The following HIP1R variants were observed in gnomAD, a reference collection of about 807,000 sequenced individuals.
The protein encoded by HIP1R is huntingtin interacting protein 1 related, also known as huntingtin-interacting protein 1-related protein.
Under a neutral mutation model 144.2 loss-of-function variants are expected in HIP1R, and 135 were observed. The ratio of observed to expected loss-of-function variants is 0.94; its 90% CI spans 0.81 to 1.08. HIP1R has a LOEUF of 1.08. Ranked by LOEUF, HIP1R falls within the 50% of genes least tolerant of loss-of-function variation. The probability of loss-of-function intolerance (pLI) is 0.00; values close to 1 mark genes in which losing one functional copy is unlikely to be tolerated. For missense variants in HIP1R, 1,462 were observed against 1,432.8 expected, an observed-to-expected ratio of 1.02 and a Z score of -0.33; for synonymous variants, 698 against 612.8, an observed-to-expected ratio of 1.14 and a Z score of -2.05.
chr12:122,841,590 G>A (rs565731704), intron 1 of HIP1R, among the ~76,000 whole-genome samples: 2 of 152,354 alleles, frequency 1.3e-5, no homozygotes, highest in East Asian at 3.9e-4. Flanking sequence ...TTTGGGGCGA[G>A]ATTGTTTTTT....
chr12:122,860,273 C>CT, intron 26 of HIP1R, 63 bp downstream of exon 26: 1 of 1,534,274 alleles, frequency 6.5e-7, no homozygotes, highest in Non-Finnish European at 8.8e-7. Flanking sequence ...CTAGGCCACC[C>CT]TGGGCATGAG....
chr12:122,858,740 TTCC>T (rs932763382), intron 20 of HIP1R, 95 bp from the exon 21 acceptor site: 41 of 880,502 alleles, frequency 4.7e-5, no homozygotes, highest in Non-Finnish European at 5.7e-5. Context: ...TCCTTTCCTC[TTCC>T]TCCTCCTCCT....
intron 1 of HIP1R, 147 bp downstream of exon 1, chr12:122,835,790 G>A: frequency 4.9e-6 from 2 of 407,822 alleles, no homozygotes; most frequent in Non-Finnish European, 6.6e-6. Flanking sequence ...GTGTCCGCCC[G>A]GGCTCTCCGA....
At chr12:122,835,420 G>T, upstream of HIP1R, 1 of 1,136,302 alleles carries the variant, frequency 8.8e-7, no homozygotes, top group Non-Finnish European at 1.1e-6. Flanking sequence ...GGCGGGGCGA[G>T]GCGGGCTCCT....
rs7306948 is a variant in HIP1R at position 122,860,800 on chromosome 12, G to A, written c.2766+16G>A. On this transcript the variant is annotated intron_variant, in intron 28 of 31. Coordinates refer to ENST00000253083, the MANE Select transcript of HIP1R (RefSeq NM_003959.3). Reference sequence around the variant, plus strand: ...GGCCTCCAAGGTGAGCTTGCACGCCGACAGCAGCACACTGGGCTCTGGGCC... The same window carrying A: ...GGCCTCCAAGGTGAGCTTGCACGCCAACAGCAGCACACTGGGCTCTGGGCC... 1,522,075 of 1,611,016 alleles carry A rather than the reference G, an allele frequency of 0.94. 719,781 individuals carry two copies. The highest frequency in any genetic ancestry group is 0.99 in the East Asian group (44,326 of 44,698).
chr12:122,859,582 G>A lies in HIP1R; in HGVS notation c.2406+46G>A. 6.6e-6 allele frequency: 10 copies of A among 1,508,502 alleles called. No individual in the cohort carries two copies. The Admixed American group carries it at 1.8e-4, about 28-fold the overall frequency. The allele number at this position is 1,508,502 out of a possible 1,614,324, so 93.4% of individuals were successfully genotyped here. On this transcript the variant is annotated intron_variant, in intron 23 of 31. Transcript: ENST00000253083. ...CTCCCCTCATTCCTGTGGAGCTTTG[G>A]GGGCCGGAGGCCCCAACTGGGCTGG...
At chr12:122,859,862 C>A (rs762182791) in intron 24 of HIP1R, 32 bp downstream of exon 24, 1 of 1,598,232 alleles carries the variant, frequency 6.3e-7, no homozygotes, top group East Asian at 2.2e-5. Context: ...CCAGGCCCAG[C>A]CGAGGTGGGC....
Position 122,842,284 on chromosome 12 carries a change from A to G in HIP1R, c.94-5747A>G, listed in dbSNP as rs369070640. 2.0e-4 allele frequency among the ~76,000 whole-genome samples: 30 copies of G among 152,378 alleles called. 1 individual carries two copies. In the South Asian group the frequency reaches 4.3e-3, roughly 22 times the overall value. On this transcript the variant is annotated intron_variant, in intron 1 of 31. Coordinates refer to ENST00000253083, the MANE Select transcript of HIP1R (RefSeq NM_003959.3). Reference sequence around the variant, plus strand: ...CTGTTAGGTGCCACGATAATACAGCACAGGGAGGCTTACGTCTGATTCATT... The same window carrying G: ...CTGTTAGGTGCCACGATAATACAGCGCAGGGAGGCTTACGTCTGATTCATT...
Position 122,846,585 on chromosome 12 carries a change from C to T in HIP1R, c.94-1446C>T, listed in dbSNP as rs2033217852. Among the ~76,000 whole-genome samples the T allele has an allele frequency of 2.6e-5, 4 of 152,294 alleles. No individual in the cohort carries two copies. In the South Asian group the frequency reaches 8.3e-4, roughly 32 times the overall value. The stretch of plus-strand genomic sequence containing the variant: ...TGGCTGGGCAGCCCTCAGGATCAGG[C>T]CCACCAGAGCCTCTGTGCATTTCCT... On this transcript the variant is annotated intron_variant, in intron 1 of 31. Transcript: ENST00000253083.
intron 7 of HIP1R, among the ~76,000 whole-genome samples, chr12:122,852,112 T>TG: frequency 6.6e-6 from 1 of 152,280 alleles, no homozygotes; most frequent in Middle Eastern, 3.4e-3. Context: ...AACTCATGGG[T>TG]GACTCAGTGC....
chr12:122,856,657 C>G lies in HIP1R; in HGVS notation c.1551C>G (p.Leu517=), dbSNP rs563063489. ...LEEKSDQLEK[L]KRELEAKAGE... ...AGAAGAGCGACCAGCTGGAGAAGCT[C>G]AAGAGGGAGCTGGAGGCCAAGGCCG... Residue 517 remains leucine, a synonymous_variant, in exon 17 of 32, where the codon CTC becomes CTG. Coordinates refer to ENST00000253083, the MANE Select transcript of HIP1R (RefSeq NM_003959.3). 5 of 1,604,438 alleles carry G rather than the reference C, an allele frequency of 3.1e-6. No individual in the cohort carries two copies. Among genetic ancestry groups the G allele is most frequent in the African/African-American group, 2.7e-5 (2 of 74,938 alleles).
At position 122,861,294 on chromosome 12, in the gene HIP1R, C is replaced by G; in HGVS notation, c.2953-14C>G. 1 of 1,613,596 alleles carries G rather than the reference C, an allele frequency of 6.2e-7. No individual in the cohort carries two copies. The highest frequency in any genetic ancestry group is 1.1e-5 in the South Asian group (1 of 91,082). On this transcript the variant is annotated splice_polypyrimidine_tract_variant and intron_variant, in intron 30 of 31. Coordinates refer to ENST00000253083, the MANE Select transcript of HIP1R (RefSeq NM_003959.3). ...GGGAGGCTGGGCTGGGCTGAGCAGG[C>G]CGTGTGGCTACAGGTGCGTGTCCTG...
chr12:122,849,501 G>A lies in HIP1R; in HGVS notation c.358-374G>A, dbSNP rs1313374691. Among the ~76,000 whole-genome samples the A allele has an allele frequency of 2.0e-5, 3 of 152,394 alleles. No individual in the cohort carries two copies. In the East Asian group the frequency reaches 5.8e-4, roughly 29 times the overall value. On this transcript the variant is annotated intron_variant, in intron 4 of 31. Coordinates refer to ENST00000253083, the MANE Select transcript of HIP1R (RefSeq NM_003959.3). ...GAAAACACTGCCCATGGTGCCACCT[G>A]CAGATGCAGGCCCAGCTGGCCCGGC...
chr12:122,855,873 C>A lies in HIP1R; in HGVS notation c.1098C>A (p.Leu366=). 6.4e-7 allele frequency: 1 copy of A among 1,565,436 alleles called. No individual in the cohort carries two copies. Among genetic ancestry groups the A allele is most frequent in the Non-Finnish European group, 8.7e-7 (1 of 1,154,642 alleles). The part of the protein sequence containing the change: ...IESLKREVEM[L]RSELEKIKLE... ...GCTTGAAGAGAGAGGTGGAAATGCT[C>A]CGCTCTGAACTGGAGAAGATCAAGC... is the stretch of plus-strand genomic sequence containing the variant. The change falls in exon 13 of 32, where the codon CTC becomes CTA. Residue 366 remains leucine, a synonymous_variant. Transcript: ENST00000253083.
In HIP1R at chr12:122,858,301, G is replaced by A. The variant is rs376741200; in HGVS notation, c.1964-48G>A. 7.6e-6 allele frequency: 12 copies of A among 1,587,498 alleles called. No homozygotes were observed. The African/African-American group carries it at 1.6e-4, about 21-fold the overall frequency. ...CTCCCCTGCCTCCTTCCCATCCCCA[G>A]CCCTGAGCAGCGGGTGGCAGGGGCC... On this transcript the variant is annotated intron_variant, in intron 19 of 31. Transcript: ENST00000253083.
At position 122,858,388 on chromosome 12, in the gene HIP1R, T is replaced by A. The variant is rs773821606; in HGVS notation, c.2003T>A (p.Val668Glu). 4 of 1,611,240 alleles carry A rather than the reference T, an allele frequency of 2.5e-6. No homozygotes were observed. The Admixed American group carries it at 6.7e-5, about 27-fold the overall frequency. ...VSRAQEALDA[V>E]STLEEGHAQY... ...AGGGCCCAGGAGGCCTTGGATGCCG[T>A]GAGCACCCTGGAGGAGGGCCACGCC... The change falls in exon 20 of 32, where the codon GTG (valine) becomes GAG (glutamate). Residue 668 changes from valine to glutamate, a missense_variant. By Grantham distance (121) the Val-to-Glu change is moderately radical (BLOSUM62 -2). Transcript: ENST00000253083.
In HIP1R at chr12:122,835,613, G is replaced by A. The variant is rs1436184722; in HGVS notation, c.63G>A (p.Glu21=). ...GCCGCAGGCCGGGCCACAGCCTGGA[G>A]GCCGAGCGCGAGCAGTTCGACAAGA... ...VLSRRPGHSL[E]AEREQFDKTQ... Residue 21 remains glutamate (E), a synonymous_variant, in exon 1 of 32, where the codon GAG becomes GAA. Transcript: ENST00000253083. 2 of 1,319,544 alleles carry A rather than the reference G, an allele frequency of 1.5e-6. No homozygotes were observed. The highest frequency in any genetic ancestry group is 3.6e-5 in the South Asian group (2 of 55,458). The allele number at this position is 1,319,544 out of a possible 1,614,324, so 81.7% of individuals were successfully genotyped here.
intron 1 of HIP1R, among the ~76,000 whole-genome samples, chr12:122,844,885 G>A (rs1425317501): frequency 1.3e-5 from 2 of 152,164 alleles, no homozygotes; most frequent in African/African-American, 2.4e-5. Flanking sequence ...GGGGCCACAT[G>A]GGGCACAAAT....
Position 122,851,295 on chromosome 12 carries a change from C to G in HIP1R, c.575C>G (p.Ser192Ter), listed in dbSNP as rs1381937575. ...YMDCELKLSE[S>*]VFRQLNTAIA... ...GATTGTGAGCTGAAGCTTTCTGAATCAGGTGAGCCGTAAAGAGGGGATGCG... is the reference window on the plus strand; with the variant it reads ...GATTGTGAGCTGAAGCTTTCTGAATGAGGTGAGCCGTAAAGAGGGGATGCG... Residue 192 changes from serine to a stop codon, truncating the protein, a stop_gained and splice_region_variant, in exon 7 of 32, where the codon TCA (serine) becomes TGA (stop). Transcript: ENST00000253083. LOFTEE classifies it high-confidence loss of function. 6.4e-7 allele frequency: 1 copy of G among 1,554,810 alleles called. No homozygotes were observed. The highest frequency in any genetic ancestry group is 2.4e-5 in the East Asian group (1 of 40,884).
Sources: gnomAD v4.1 joint callset for allele counts (sites outside exome capture counted in the v4.1 genomes callset) on GRCh38, gnomAD v4.1.1 for gene constraint, MANE v1.5 for transcripts, NCBI Gene and HGNC (gene_info 2026-07-23, HGNC 2026-07-21) for gene names.